Variants in KANK1 observed in about 807,000 individuals in gnomAD.
The protein encoded by KANK1 is KN motif and ankyrin repeat domain-containing protein 1.
Under a neutral mutation model 106.2 loss-of-function variants are expected in KANK1, and 109 were observed. The observed-to-expected ratio is 1.03, with a 90% CI of 0.88 to 1.20. The LOEUF (loss-of-function observed/expected upper bound fraction) is 1.20. Ranked by LOEUF, KANK1 falls within the 50% of genes most tolerant of loss-of-function variation. KANK1 has a pLI of 0.00. For synonymous variants in KANK1, 873 were observed against 652.2 expected, an observed-to-expected ratio of 1.34 and a Z score of -5.16; for missense variants, 2,399 against 1,710.7, an observed-to-expected ratio of 1.40 and a Z score of -7.10.
rs149329858 is a variant in KANK1 at position 686,945 on chromosome 9, GC to G, written c.37+9937del. ...AGGTAAAGGGGGCTTAGGGCTGGGG[GC>G]TTTTCCTCTGGGCTCTTATCCTTTG... On this transcript the variant is annotated intron_variant, in intron 2 of 11. Coordinates refer to ENST00000382297, the MANE Select transcript of KANK1 (RefSeq NM_015158.5). 2,623 of 985,088 alleles carry G rather than the reference GC, an allele frequency of 2.7e-3. 45 individuals are homozygous for G. In the African/African-American group the frequency reaches 0.041, roughly 15 times the overall value. 61.0% of individuals were successfully genotyped at this position (985,088 alleles called of 1,614,324 possible).
intron 1 of KANK1, among the ~76,000 whole-genome samples, chr9:593,591 C>G (rs1825525827): frequency 6.6e-6 from 1 of 151,146 alleles, no homozygotes; most frequent in South Asian, 2.1e-4. Context: ...GAGAAGTTAC[C>G]CATTGATGTT....
chr9:621,188 G>GT, intron 1 of KANK1, among the ~76,000 whole-genome samples: 1 of 152,064 alleles, frequency 6.6e-6, no homozygotes, highest in East Asian at 1.9e-4. Flanking sequence ...CCTAATAAAG[G>GT]TAAATAGAAA....
At chr9:595,453 A>C (rs1242866453) in intron 1 of KANK1, among the ~76,000 whole-genome samples, 3 of 151,908 alleles carry the variant, frequency 2.0e-5, no homozygotes, top group African/African-American at 7.3e-5. Flanking sequence ...ACCCGAGGAA[A>C]AGCCTGCAAA....
chr9:593,395 T>C lies in KANK1; in HGVS notation c.-83-83495T>C, dbSNP rs77898498. 1.4e-3 allele frequency among the ~76,000 whole-genome samples: 215 copies of C among 151,918 alleles called. 6 individuals carry two copies. The East Asian group carries it at 0.038, about 27-fold the overall frequency. The stretch of plus-strand genomic sequence containing the variant: ...CTAATATAACCACTGCTGAGTTTAT[T>C]GTATATACTTTCAGACATTTTTTAT... On this transcript the variant is annotated intron_variant, in intron 1 of 11. Transcript: ENST00000382297.
intron 1 of KANK1, among the ~76,000 whole-genome samples, chr9:663,618 G>A (rs1019543094): frequency 6.6e-6 from 1 of 152,050 alleles, no homozygotes; most frequent in Non-Finnish European, 1.5e-5. Flanking sequence ...CTGATTTTCC[G>A]CCTAGGTTTT....
chr9:743,049 C>T (rs979043117), intron 10 of KANK1, among the ~76,000 whole-genome samples: 31 of 152,120 alleles, frequency 2.0e-4, no homozygotes, highest in Non-Finnish European at 2.9e-4. Context: ...GGTACTTTTG[C>T]GTGTCTCTAG....
chr9:608,798 C>T (rs1829912872), intron 1 of KANK1, among the ~76,000 whole-genome samples: 1 of 152,160 alleles, frequency 6.6e-6, no homozygotes, highest in African/African-American at 2.4e-5. Flanking sequence ...ACCTCCACCC[C>T]AGTTGATGGT....
At chr9:577,408 C>T (rs1563798708) in intron 1 of KANK1, among the ~76,000 whole-genome samples, 2 of 152,066 alleles carry the variant, frequency 1.3e-5, no homozygotes, top group Admixed American at 6.5e-5. Context: ...AACCTTTAGA[C>T]ACAGAGCGCT....
At chr9:518,883 C>T (rs2059419555) in intron 1 of KANK1, among the ~76,000 whole-genome samples, 1 of 137,006 alleles carries the variant, frequency 7.3e-6, no homozygotes, top group South Asian at 2.3e-4. Flanking sequence ...TTAGCATTGT[C>T]TTTAAATTTT....
At chr9:662,300 T>C (rs1300790843) in intron 1 of KANK1, among the ~76,000 whole-genome samples, 1 of 152,150 alleles carries the variant, frequency 6.6e-6, no homozygotes. Flanking sequence ...TACCAATGAC[T>C]TTCTTCACAA....
intron 1 of KANK1, among the ~76,000 whole-genome samples, chr9:548,392 T>A (rs1332765779): frequency 2.6e-5 from 4 of 152,158 alleles, no homozygotes; most frequent in Admixed American, 1.3e-4. Context: ...CCTGAGCTTT[T>A]TATTGTTGTA....
In KANK1 at chr9:710,945, G is replaced by A. The variant is rs1436441715; in HGVS notation, c.179G>A (p.Arg60Lys). 1 of 1,614,162 alleles carries A rather than the reference G, an allele frequency of 6.2e-7. No homozygotes were observed. The highest frequency in any genetic ancestry group is 1.1e-5 in the South Asian group (1 of 91,084). ...ATACAGAAGGGAAATACCATCAAAA[G>A]ACTGAACATCCAGAAGAGGCGGAAG... ...DDIQKGNTIK[R>K]LNIQKRRKPS... Residue 60 changes from arginine (R) to lysine (K), a missense_variant, in exon 3 of 12, where the codon AGA becomes AAA. Transcript: ENST00000382297.
intron 8 of KANK1, 37 bp downstream of exon 8, chr9:738,541 A>G: frequency 6.5e-7 from 1 of 1,530,310 alleles, no homozygotes; most frequent in South Asian, 1.1e-5. Flanking sequence ...CTTCTCTAAC[A>G]GTACTTGGGT....
intron 3 of KANK1, among the ~76,000 whole-genome samples, chr9:729,392 G>C (rs1370799256): frequency 2.6e-5 from 4 of 152,220 alleles, no homozygotes; most frequent in Non-Finnish European, 5.9e-5. Context: ...GGTCTGAAGA[G>C]GCAGTGATGG....
intron 1 of KANK1, among the ~76,000 whole-genome samples, chr9:536,372 T>A (rs1026378537): frequency 6.6e-6 from 1 of 152,160 alleles, no homozygotes; most frequent in Non-Finnish European, 1.5e-5. Context: ...CACATTTTTT[T>A]ATATTACAGT....
At chr9:693,597 G>A in intron 2 of KANK1, 1 of 985,360 alleles carries the variant, frequency 1.0e-6, no homozygotes, top group South Asian at 4.7e-5. Flanking sequence ...CAAGAGTCCT[G>A]GAATTAAACC....
Position 713,412 on chromosome 9 carries a change from T to G in KANK1, c.2646T>G (p.Thr882=), listed in dbSNP as rs116342444. 248 of 1,611,686 alleles carry G rather than the reference T, an allele frequency of 1.5e-4. No individual in the cohort carries two copies. The East Asian group carries it at 4.3e-3, about 28-fold the overall frequency. ...SINSVMKSAS[T]EELRNPDFQK... is the part of the protein sequence containing the mutation. ...ACTCTGTCATGAAATCTGCAAGCAC[T>G]GAAGAGCTGAGGAACCCTGACTTCC... Residue 882 remains threonine (T), a synonymous_variant, in exon 3 of 12, where the codon ACT becomes ACG. Coordinates refer to ENST00000382297, the MANE Select transcript of KANK1 (RefSeq NM_015158.5).
intron 1 of KANK1, among the ~76,000 whole-genome samples, chr9:611,809 C>G (rs561360191): frequency 6.6e-5 from 10 of 152,172 alleles, no homozygotes; most frequent in Admixed American, 1.3e-4. Context: ...ACCTCCGCCT[C>G]CCGGGTTCAA....
intron 1 of KANK1, among the ~76,000 whole-genome samples, chr9:535,581 C>T (rs2060259840): frequency 6.6e-6 from 1 of 152,184 alleles, no homozygotes; most frequent in Admixed American, 6.5e-5. Flanking sequence ...AGGAAAATGG[C>T]TTTACTCTCA....
Sources: gnomAD v4.1 joint callset for allele counts (sites outside exome capture counted in the v4.1 genomes callset) on GRCh38, gnomAD v4.1.1 for gene constraint, MANE v1.5 for transcripts, NCBI Gene and HGNC (gene_info 2026-07-23, HGNC 2026-07-21) for gene names.